Variants in BANK1 observed in about 807,000 individuals in gnomAD.
BANK1 encodes the protein B-cell scaffold protein with ankyrin repeats.
In BANK1, 95 loss-of-function variants were observed where a neutral mutation model predicts 94.5. The observed-to-expected ratio is 1.00, with a 90% CI of 0.85 to 1.19. The LOEUF is 1.19. Among genes scored for constraint, BANK1 ranks in the 50% most tolerant of loss-of-function variants. The pLI is 0.00. For synonymous variants in BANK1, 334 were observed against 308.4 expected (o/e 1.08, Z -0.87); for missense variants, 987 against 932.2 (o/e 1.06, Z -0.77).
chr4:101,833,323 T>G (rs554840775), intron 2 of BANK1, among the ~76,000 whole-genome samples: 4 of 152,316 alleles, frequency 2.6e-5, no homozygotes, highest in South Asian at 2.1e-4. Context: ...TTTTTTTTGG[T>G]CCAGCCAATG....
At chr4:101,904,821 T>A (rs6532977) in intron 6 of BANK1, among the ~76,000 whole-genome samples, 126,418 of 151,776 alleles carry the variant, frequency 0.83, 53,025 homozygotes, top group Non-Finnish European at 0.89. Flanking sequence ...AGGGGCTTTA[T>A]TAACTCCAAC....
intron 7 of BANK1, among the ~76,000 whole-genome samples, chr4:101,962,192 T>G (rs1724593126): frequency 6.6e-6 from 1 of 152,166 alleles, no homozygotes; most frequent in Non-Finnish European, 1.5e-5. Context: ...TCAGATTTCC[T>G]TCTGAAGAAC....
chr4:101,973,335 T>C (rs1335074631), intron 7 of BANK1, among the ~76,000 whole-genome samples: 1 of 151,950 alleles, frequency 6.6e-6, no homozygotes, highest in African/African-American at 2.4e-5. Flanking sequence ...TTTATACAAA[T>C]AACATTCAAA....
At chr4:101,848,949 A>G (rs1172125138) in intron 2 of BANK1, among the ~76,000 whole-genome samples, 1 of 152,112 alleles carries the variant, frequency 6.6e-6, no homozygotes, top group Non-Finnish European at 1.5e-5. Context: ...TAGCTGCATC[A>G]TAGGCTTATC....
At position 101,829,965 on chromosome 4, in the gene BANK1, G is replaced by A. The variant is rs79880125; in HGVS notation, c.228G>A (p.Thr76=). The change falls in exon 2 of 17, where the codon ACG becomes ACA. Residue 76 remains threonine (T), a synonymous_variant. Transcript: ENST00000322953. ...SFRHLELLNL[T]SYKCKLLILS... ...GGCATTTGGAGTTGCTGAACTTAAC[G>A]TCTTACAAATGTAAACTTTTGATAT... 2.8e-4 allele frequency: 448 copies of A among 1,613,818 alleles called. 1 individual carries two copies. In the African/African-American group the frequency reaches 4.7e-3, roughly 17 times the overall value.
At chr4:101,823,538 AT>A (rs1726252643) in intron 1 of BANK1, among the ~76,000 whole-genome samples, 1 of 152,162 alleles carries the variant, frequency 6.6e-6, no homozygotes, top group African/African-American at 2.4e-5. Flanking sequence ...CAACAACCCT[AT>A]TTAGGTACTT....
At chr4:102,044,053 T>C in intron 11 of BANK1, 146 bp downstream of exon 11, 1 of 487,914 alleles carries the variant, frequency 2.0e-6, no homozygotes, top group Non-Finnish European at 3.6e-6. Context: ...TATTATACTT[T>C]AAGTTTTAGG....
chr4:101,997,075 A>G (rs1725903789), intron 7 of BANK1, among the ~76,000 whole-genome samples: 1 of 152,164 alleles, frequency 6.6e-6, no homozygotes, highest in African/African-American at 2.4e-5. Flanking sequence ...TTTGTCATAA[A>G]TAGCTCTTAT....
intron 2 of BANK1, among the ~76,000 whole-genome samples, chr4:101,852,499 TATATAC>T (rs1239218353): frequency 6.2e-4 from 70 of 113,400 alleles, no homozygotes; most frequent in East Asian, 4.8e-3. Context: ...TATATATATA[TATATAC>T]ACACACACAT....
intron 7 of BANK1, among the ~76,000 whole-genome samples, chr4:101,924,413 T>C (rs962824908): frequency 6.6e-6 from 1 of 151,858 alleles, no homozygotes; most frequent in Non-Finnish European, 1.5e-5. Context: ...TTTCATAAAG[T>C]TGCTAGAATA....
At chr4:101,870,035 A>G (rs947281805) in intron 4 of BANK1, among the ~76,000 whole-genome samples, 5 of 152,002 alleles carry the variant, frequency 3.3e-5, no homozygotes, top group African/African-American at 7.2e-5. Context: ...ATTGCAGTCA[A>G]TTGAATACAA....
chr4:101,997,143 G>T (rs553202895), intron 7 of BANK1, among the ~76,000 whole-genome samples: 6 of 152,118 alleles, frequency 3.9e-5, no homozygotes, highest in African/African-American at 1.4e-4. Context: ...CCATGAAAGG[G>T]TGTTGAATTT....
intron 7 of BANK1, among the ~76,000 whole-genome samples, chr4:101,936,306 C>CATACATGT (rs1723544282): frequency 1.5e-5 from 2 of 132,094 alleles, no homozygotes; most frequent in African/African-American, 5.0e-5. Context: ...CACATACATG[C>CATACATGT]ATATGTACAC....
chr4:102,043,858 C>A lies in BANK1; in HGVS notation c.1920C>A (p.Ala640=). The A allele has an allele frequency of 6.2e-7, 1 of 1,602,914 alleles. No individual in the cohort carries two copies. The highest frequency in any genetic ancestry group is 8.5e-7 in the Non-Finnish European group (1 of 1,171,388). The change falls in exon 11 of 17, where the codon GCC becomes GCA. Residue 640 remains alanine, a synonymous_variant. Transcript: ENST00000322953. ...TTACAGTGTTTCAACAAAAGACAGC[C>A]AGAAGACAATCTGATGATGACAAGT... ...YIAQVFQQKT[A]RRQSDDDKFC...
At chr4:102,019,743 G>A (rs894242511) in intron 7 of BANK1, among the ~76,000 whole-genome samples, 1 of 152,142 alleles carries the variant, frequency 6.6e-6, no homozygotes, top group Non-Finnish European at 1.5e-5. Flanking sequence ...AAATATGATT[G>A]TAAGTGTAGG....
chr4:102,053,501 T>G (rs1315234972), intron 11 of BANK1, among the ~76,000 whole-genome samples: 1 of 152,048 alleles, frequency 6.6e-6, no homozygotes, highest in African/African-American at 2.4e-5. Flanking sequence ...AAACTTCAAC[T>G]TAAGAAGTTT....
rs1298688814 is a variant in BANK1, at chr4:101,839,936, AATTT to A, written c.469+9731_469+9734del. On this transcript the variant is annotated intron_variant, in intron 2 of 16. Transcript: ENST00000322953. ...AGCTACTATATAATTTCAAATATTT[AATTT>A]TTTTTTTTTTTTTTTTTTTTTTTTT... 9.1e-4 allele frequency among the ~76,000 whole-genome samples: 72 copies of A among 78,978 alleles called. 2 individuals are homozygous for A. The highest frequency in any genetic ancestry group is 3.1e-3 in the African/African-American group (67 of 21,710). The allele number at this position is 78,978 out of a possible 152,430, so 51.8% of individuals were successfully genotyped here.
intron 2 of BANK1, among the ~76,000 whole-genome samples, chr4:101,851,763 T>G (rs190968133): frequency 6.7e-4 from 102 of 152,322 alleles, no homozygotes; most frequent in African/African-American, 2.4e-3. Context: ...TAAGTGCAGG[T>G]TCCATTCTGT....
At chr4:101,921,831 T>C (rs1303754768) in intron 7 of BANK1, among the ~76,000 whole-genome samples, 1 of 151,914 alleles carries the variant, frequency 6.6e-6, no homozygotes, top group Admixed American at 6.6e-5. Flanking sequence ...TAAATATTGA[T>C]GAAGAAAATT....
Sources: gnomAD v4.1 joint callset for allele counts (sites outside exome capture counted in the v4.1 genomes callset) on GRCh38, gnomAD v4.1.1 for gene constraint, MANE v1.5 for transcripts, NCBI Gene and HGNC (gene_info 2026-07-23, HGNC 2026-07-21) for gene names.